Variants in ANGPTL5 observed in about 807,000 individuals in gnomAD.
ANGPTL5 encodes angiopoietin-related protein 5.
A neutral mutation model predicts 39.4 loss-of-function variants in ANGPTL5; 34 were observed. That is an observed-to-expected ratio of 0.86 (90% CI 0.66 to 1.15). ANGPTL5 has a LOEUF of 1.15. Ranked by LOEUF, ANGPTL5 falls within the 50% of genes most tolerant of loss-of-function variation. The pLI, the probability that ANGPTL5 is intolerant of heterozygous loss-of-function variation, is 0.00. For synonymous variants in ANGPTL5, 146 were observed against 152.1 expected, an observed-to-expected ratio of 0.96 and a Z score of 0.29; for missense variants, 467 against 457.5, an observed-to-expected ratio of 1.02 and a Z score of -0.19.
chr11:101,891,601 G>A lies in ANGPTL5; in HGVS notation c.848-3C>T, dbSNP rs1565336876. The stretch of plus-strand genomic sequence containing the variant: ...TTTGAGACCCCGGAATGCATCACCT[G>A]GGAAAAAAATTTTTAATGATCGAAT... On this transcript the variant is annotated splice_polypyrimidine_tract_variant and splice_region_variant and intron_variant, in intron 8 of 8. Transcript: ENST00000334289. 1 of 1,613,050 alleles carries A rather than the reference G, an allele frequency of 6.2e-7. No individual in the cohort carries two copies. The highest frequency in any genetic ancestry group is 8.5e-7 in the Non-Finnish European group (1 of 1,179,658).
intron 7 of ANGPTL5, among the ~76,000 whole-genome samples, chr11:101,899,375 C>T (rs1939854814): frequency 6.6e-6 from 1 of 152,218 alleles, no homozygotes; most frequent in African/African-American, 2.4e-5. Context: ...GCTGGGGTTA[C>T]AGGCGTGAGC....
At chr11:101,905,926 C>G in intron 3 of ANGPTL5, 79 bp from the exon 4 acceptor site, 1 of 820,122 alleles carries the variant, frequency 1.2e-6, no homozygotes, top group South Asian at 1.5e-5. Flanking sequence ...TGAATTTTAC[C>G]TGATTTTGGA....
At chr11:101,910,378 C>A (rs1406235093) in intron 1 of ANGPTL5, among the ~76,000 whole-genome samples, 6 of 147,716 alleles carry the variant, frequency 4.1e-5, no homozygotes, top group Non-Finnish European at 5.9e-5. Context: ...CCATTGCACT[C>A]CAGCCTGAAC....
At chr11:101,897,752 C>T (rs954789081) in intron 7 of ANGPTL5, among the ~76,000 whole-genome samples, 5 of 152,206 alleles carry the variant, frequency 3.3e-5, no homozygotes, top group African/African-American at 1.2e-4. Flanking sequence ...GTTTTGGTTA[C>T]TGTAGCCTTG....
intron 1 of ANGPTL5, among the ~76,000 whole-genome samples, chr11:101,914,829 G>C (rs1452554748): frequency 6.6e-6 from 1 of 152,192 alleles, no homozygotes; most frequent in Non-Finnish European, 1.5e-5. Flanking sequence ...AGGCAGAACT[G>C]CATCAGGCTC....
intron 1 of ANGPTL5, among the ~76,000 whole-genome samples, chr11:101,911,908 T>G (rs575396575): frequency 2.6e-5 from 4 of 152,208 alleles, no homozygotes; most frequent in Non-Finnish European, 5.9e-5. Flanking sequence ...TGTGCCCTTA[T>G]TCTTCATCCA....
rs138254743 is a variant in ANGPTL5 at position 101,913,395 on chromosome 11, A to G, written c.-93+2624T>C. Among the ~76,000 whole-genome samples, 11 of 152,312 alleles carry G rather than the reference A, an allele frequency of 7.2e-5. No homozygotes were observed. In the East Asian group the frequency reaches 1.9e-3, roughly 27 times the overall value. Reference sequence around the variant, plus strand: ...TAGCTCCTCCTATATCCTATAAATTATGTATGTTTAGCCAACTTTTCAGCA... The same window carrying G: ...TAGCTCCTCCTATATCCTATAAATTGTGTATGTTTAGCCAACTTTTCAGCA... On this transcript the variant is annotated intron_variant, in intron 1 of 8. Coordinates refer to ENST00000334289, the MANE Select transcript of ANGPTL5 (RefSeq NM_178127.5).
At chr11:101,905,920 T>C (rs1939991003) in intron 3 of ANGPTL5, 73 bp from the exon 4 acceptor site, 1 of 836,510 alleles carries the variant, frequency 1.2e-6, no homozygotes, top group East Asian at 2.6e-5. Context: ...AAATAGTGAA[T>C]TTTACCTGAT....
chr11:101,915,522 T>C, intron 1 of ANGPTL5: 1 of 1,356,148 alleles, frequency 7.4e-7, no homozygotes, highest in Non-Finnish European at 1.0e-6. Flanking sequence ...AACTAGCAAG[T>C]CATCTTAGTG....
chr11:101,910,424 A>AAATATATAT (rs1469724609), intron 1 of ANGPTL5, among the ~76,000 whole-genome samples: 30 of 127,208 alleles, frequency 2.4e-4, no homozygotes, highest in East Asian at 1.3e-3. Flanking sequence ...AAAAAAAAAA[A>AAATATATAT]ATATATATAT....
chr11:101,911,269 G>A (rs1009116884), intron 1 of ANGPTL5, among the ~76,000 whole-genome samples: 1 of 151,378 alleles, frequency 6.6e-6, no homozygotes. Context: ...GATTACAGGC[G>A]CTTGCCACCA....
At chr11:101,895,212 A>G in intron 7 of ANGPTL5, 148 bp from the exon 8 acceptor site, 1 of 654,760 alleles carries the variant, frequency 1.5e-6, no homozygotes, top group South Asian at 2.4e-5. Flanking sequence ...AGCTCAAATT[A>G]TCAGTGCTTA....
chr11:101,891,188 AAT>A lies in ANGPTL5; in HGVS notation c.*89_*90del. 8.1e-7 allele frequency: 1 copy of A among 1,235,902 alleles called. No homozygotes were observed. Among genetic ancestry groups the A allele is most frequent in the South Asian group, 1.5e-5 (1 of 64,798 alleles). 76.6% of individuals were successfully genotyped at this position (1,235,902 alleles called of 1,614,324 possible). A position where few individuals can be genotyped will look rare whatever the true frequency, so the allele number is the denominator to read the frequency against. ...TGCCATCTACAGTTAAATTTTGCCT[AAT>A]ATGTTTGAAACACTAAGTGAAAAGA... On this transcript the variant is annotated 3_prime_UTR_variant, in exon 9 of 9. Transcript: ENST00000334289.
intron 8 of ANGPTL5, among the ~76,000 whole-genome samples, chr11:101,892,053 G>T (rs1385201579): frequency 1.3e-5 from 2 of 152,040 alleles, no homozygotes; most frequent in Non-Finnish European, 2.9e-5. Context: ...AGAAGTTGGG[G>T]TTTTTTTCTA....
chr11:101,915,363 C>G, intron 1 of ANGPTL5: 1 of 1,613,962 alleles, frequency 6.2e-7, no homozygotes, highest in South Asian at 1.1e-5. Context: ...CGACAGAGCC[C>G]CCCTCGGCCC....
chr11:101,915,054 G>C (rs1395261122), intron 1 of ANGPTL5: 1 of 504,586 alleles, frequency 2.0e-6, no homozygotes, highest in South Asian at 4.0e-5. Flanking sequence ...GGTTGCTGCC[G>C]CCCCATCTGC....
chr11:101,910,183 G>A (rs1205875937), intron 1 of ANGPTL5, among the ~76,000 whole-genome samples: 6 of 152,192 alleles, frequency 3.9e-5, no homozygotes, highest in Non-Finnish European at 8.8e-5. Context: ...GGCTGAGGCG[G>A]GCGGATTACC....
intron 1 of ANGPTL5, among the ~76,000 whole-genome samples, chr11:101,913,243 A>T (rs1388422431): frequency 2.0e-5 from 3 of 152,350 alleles, no homozygotes; most frequent in South Asian, 4.1e-4. Context: ...TCCTAAAAAA[A>T]ATTTAGACAT....
intron 6 of ANGPTL5, among the ~76,000 whole-genome samples, chr11:101,902,176 T>C (rs1451173209): frequency 1.3e-5 from 2 of 152,088 alleles, no homozygotes; most frequent in Non-Finnish European, 2.9e-5. Flanking sequence ...TCATCTATCA[T>C]CAGAAGAAAT....
Sources: allele counts gnomAD v4.1 joint callset (sites outside exome capture counted in the v4.1 genomes callset), GRCh38; gene constraint gnomAD v4.1.1; transcripts MANE v1.5; gene names NCBI Gene and HGNC (gene_info 2026-07-23, HGNC 2026-07-21).